Variants in MBOAT1 observed in about 807,000 individuals in gnomAD.
MBOAT1 encodes membrane-bound glycerophospholipid O-acyltransferase 1.
MBOAT1 carries 67 observed loss-of-function variants against 64.4 expected under a neutral mutation model. The observed-to-expected ratio is 1.04, with a 90% CI of 0.85 to 1.27. The LOEUF is 1.27. MBOAT1 is among the 50% of genes most tolerant of loss of function. MBOAT1 has a pLI of 0.00. For missense variants in MBOAT1, 563 were observed against 604.6 expected (o/e 0.93, Z 0.72); for synonymous variants, 229 against 218.9 (o/e 1.05, Z -0.41).
intron 2 of MBOAT1, among the ~76,000 whole-genome samples, chr6:20,152,192 T>G (rs1761513011): frequency 6.6e-6 from 1 of 151,830 alleles, no homozygotes; most frequent in African/African-American, 2.4e-5. Context: ...CTGGGCATGG[T>G]GATGTGCACC....
At chr6:20,195,988 T>C (rs1424337790) in intron 1 of MBOAT1, among the ~76,000 whole-genome samples, 2 of 152,060 alleles carry the variant, frequency 1.3e-5, no homozygotes, top group Non-Finnish European at 2.9e-5. Flanking sequence ...CCCTCCTAAA[T>C]TCTGAAGGGA....
chr6:20,193,023 T>TTTTTTTTTTTTTTTA (rs1762851137), intron 1 of MBOAT1, among the ~76,000 whole-genome samples: 1 of 135,008 alleles, frequency 7.4e-6, no homozygotes, highest in Non-Finnish European at 1.6e-5. Context: ...TTTTTTTTTT[T>TTTTTTTTTTTTTTTA]GAGACGGAGT....
At chr6:20,183,243 T>C (rs979797687) in intron 1 of MBOAT1, among the ~76,000 whole-genome samples, 1 of 152,172 alleles carries the variant, frequency 6.6e-6, no homozygotes, top group Non-Finnish European at 1.5e-5. Context: ...AAAATATGTT[T>C]ACAGAAAGGA....
Position 20,109,614 on chromosome 6 carries a change from T to A in MBOAT1, c.1345A>T (p.Thr449Ser). The change falls in exon 12 of 13, where the codon ACC (threonine) becomes TCC (serine). Residue 449 changes from threonine to serine, a missense_variant. Transcript: ENST00000324607. ...APFVMLAVEP[T>S]ISLYKSMYFY... ...GAAACTTACTTGTATAAGCTGATGG[T>A]CGGTTCAACTGCCAACATCACAAAG... 1 of 1,612,906 alleles carries A rather than the reference T, an allele frequency of 6.2e-7. No individual in the cohort carries two copies. The highest frequency in any genetic ancestry group is 8.5e-7 in the Non-Finnish European group (1 of 1,179,288).
chr6:20,212,003 C>CAAAA (rs1012812455), intron 1 of MBOAT1, 133 bp downstream of exon 1: 1 of 722,450 alleles, frequency 1.4e-6, no homozygotes, highest in East Asian at 2.7e-5. Flanking sequence ...CACACACACA[C>CAAAA]AAAAACCAAC....
chr6:20,198,911 G>A (rs1416566415), intron 1 of MBOAT1, among the ~76,000 whole-genome samples: 1 of 152,194 alleles, frequency 6.6e-6, no homozygotes, highest in African/African-American at 2.4e-5. Flanking sequence ...CGTATTTTAA[G>A]TTCGACCTAA....
At chr6:20,118,917 A>C (rs1760413294) in intron 8 of MBOAT1, among the ~76,000 whole-genome samples, 1 of 152,188 alleles carries the variant, frequency 6.6e-6, no homozygotes, top group African/African-American at 2.4e-5. Context: ...GTAAGAATAG[A>C]TCTGAGTTCA....
chr6:20,152,359 A>T (rs868606437), intron 2 of MBOAT1, among the ~76,000 whole-genome samples: 1,601 of 142,416 alleles, frequency 0.011, 22 homozygotes, highest in African/African-American at 0.032. Flanking sequence ...ATAAATAAAT[A>T]AATAAATTAA....
chr6:20,127,077 C>T (rs751995828), intron 6 of MBOAT1, among the ~76,000 whole-genome samples: 3 of 152,138 alleles, frequency 2.0e-5, no homozygotes, highest in Non-Finnish European at 4.4e-5. Context: ...GTTAGCGGAT[C>T]GAGATGCTTC....
At chr6:20,201,494 A>T (rs1221436150) in intron 1 of MBOAT1, among the ~76,000 whole-genome samples, 1 of 152,176 alleles carries the variant, frequency 6.6e-6, no homozygotes, top group Non-Finnish European at 1.5e-5. Context: ...CAAGGGAAGC[A>T]GGGGTGAGAG....
chr6:20,144,233 T>C lies in MBOAT1; in HGVS notation c.406A>G (p.Thr136Ala). 2 of 1,609,406 alleles carry C rather than the reference T, an allele frequency of 1.2e-6. No individual in the cohort carries two copies. Among genetic ancestry groups the C allele is most frequent in the Non-Finnish European group, 1.7e-6 (2 of 1,176,314 alleles). Residue 136 changes from threonine (T) to alanine (A), a missense_variant, in exon 4 of 13, where the codon ACG becomes GCG. By Grantham distance (58) the Thr-to-Ala change is moderately conservative (BLOSUM62 0). Transcript: ENST00000324607. ...IYIFHYGILT[T>A]DFSGPLMIVT... ...TAAGATACTTACCCAGAAAAATCCG[T>C]AGTGAGAATTCCATAGTGGAAGATG...
chr6:20,173,749 G>A (rs764890000), intron 1 of MBOAT1, among the ~76,000 whole-genome samples: 3 of 152,090 alleles, frequency 2.0e-5, no homozygotes, highest in East Asian at 3.9e-4. Context: ...TCAGGAGTTC[G>A]AGACGAGCCT....
At chr6:20,120,898 G>T (rs1760475858) in intron 8 of MBOAT1, among the ~76,000 whole-genome samples, 1 of 152,120 alleles carries the variant, frequency 6.6e-6, no homozygotes, top group African/African-American at 2.4e-5. Flanking sequence ...GCAGTAACAG[G>T]CTCTAAGTTC....
chr6:20,157,844 C>G (rs181611103), intron 1 of MBOAT1, among the ~76,000 whole-genome samples: 1 of 151,852 alleles, frequency 6.6e-6, no homozygotes, highest in Non-Finnish European at 1.5e-5. Flanking sequence ...AGAGTAACAA[C>G]GTGGGTGGCC....
rs116866050 is a variant in MBOAT1 at position 20,120,760 on chromosome 6, G to A, written c.908-2220C>T. 7.9e-5 allele frequency among the ~76,000 whole-genome samples: 12 copies of A among 152,234 alleles called. No individual in the cohort carries two copies. In the East Asian group the frequency reaches 2.1e-3, roughly 27 times the overall value. ...CACAACCTGAGCAGGTAAGAGCCACGCTGAAAGAGGAAAATGGTGAAAGGT... is the reference window on the plus strand; with the variant it reads ...CACAACCTGAGCAGGTAAGAGCCACACTGAAAGAGGAAAATGGTGAAAGGT... On this transcript the variant is annotated intron_variant, in intron 8 of 12. Transcript: ENST00000324607.
intron 3 of MBOAT1, among the ~76,000 whole-genome samples, chr6:20,147,396 T>C (rs1037317083): frequency 2.0e-5 from 3 of 152,200 alleles, no homozygotes; most frequent in African/African-American, 7.2e-5. Context: ...TCCCAGCACT[T>C]TGGGAGGCCA....
intron 1 of MBOAT1, among the ~76,000 whole-genome samples, chr6:20,194,147 A>C (rs983091472): frequency 5.3e-5 from 8 of 152,210 alleles, no homozygotes; most frequent in Admixed American, 1.3e-4. Context: ...CGCATTTTTA[A>C]ATAAACTGCA....
Position 20,115,277 on chromosome 6 carries a change from G to GT in MBOAT1, c.1076+10dup. The stretch of plus-strand genomic sequence containing the variant: ...TGCCCTAAGTAATGAGGTCGTTTTT[G>GT]TTTTTCTTACCACTTTAGCCAAGTA... On this transcript the variant is annotated intron_variant, in intron 10 of 12. Transcript: ENST00000324607. The GT allele has an allele frequency of 6.3e-7, 1 of 1,588,644 alleles. No homozygotes were observed.
intron 1 of MBOAT1, among the ~76,000 whole-genome samples, chr6:20,168,659 A>AG (rs1762099527): frequency 7.3e-6 from 1 of 137,568 alleles, no homozygotes; most frequent in African/African-American, 2.7e-5. Flanking sequence ...AGGAGAGGGA[A>AG]AGAGAGAAAG....
Sources: gnomAD v4.1 joint callset for allele counts (sites outside exome capture counted in the v4.1 genomes callset) on GRCh38, gnomAD v4.1.1 for gene constraint, MANE v1.5 for transcripts, NCBI Gene and HGNC (gene_info 2026-07-23, HGNC 2026-07-21) for gene names.